RAPGEF5: variants seen among roughly 807,000 people sequenced by gnomAD.
RAPGEF5 encodes M-Ras-regulated GEF.
RAPGEF5 carries 65 observed loss-of-function variants against 125.2 expected under a neutral mutation model. The ratio of observed to expected loss-of-function variants is 0.52; its 90% CI spans 0.43 to 0.64. The LOEUF is 0.64. Among genes scored for constraint, RAPGEF5 ranks in the 30% least tolerant of loss-of-function variants. RAPGEF5 has a pLI of 0.00. For synonymous variants in RAPGEF5, 391 were observed against 385.9 expected (o/e 1.01, Z -0.16); for missense variants, 958 against 1,048.1 (o/e 0.91, Z 1.19).
At chr7:22,129,882 C>T (rs1782862205) in intron 24 of RAPGEF5, among the ~76,000 whole-genome samples, 1 of 151,930 alleles carries the variant, frequency 6.6e-6, no homozygotes, top group African/African-American at 2.4e-5. Context: ...GAGCCAACTA[C>T]ACTGTTCCCA....
chr7:22,171,663 TA>T (rs1304815003), intron 11 of RAPGEF5, among the ~76,000 whole-genome samples: 1 of 152,204 alleles, frequency 6.6e-6, no homozygotes, highest in African/African-American at 2.4e-5. Context: ...CACGCCCGGC[TA>T]ATTTTTGTAT....
chr7:22,324,148 T>C (rs1403589684), intron 1 of RAPGEF5, among the ~76,000 whole-genome samples: 1 of 152,236 alleles, frequency 6.6e-6, no homozygotes, highest in Non-Finnish European at 1.5e-5. Flanking sequence ...ATGAGACATG[T>C]TGACATCTGC....
At chr7:22,255,751 TTA>T (rs1786744238) in intron 7 of RAPGEF5, among the ~76,000 whole-genome samples, 1 of 152,216 alleles carries the variant, frequency 6.6e-6, no homozygotes, top group Non-Finnish European at 1.5e-5. Flanking sequence ...AGAAAAAATG[TTA>T]TTACCCACAA....
intron 25 of RAPGEF5, among the ~76,000 whole-genome samples, chr7:22,124,263 G>C (rs1053510356): frequency 6.6e-6 from 1 of 152,098 alleles, no homozygotes; most frequent in Non-Finnish European, 1.5e-5. Flanking sequence ...TAAACACTTG[G>C]GAAGCAAAGG....
chr7:22,285,737 G>T (rs1782781713), intron 6 of RAPGEF5, among the ~76,000 whole-genome samples: 1 of 152,310 alleles, frequency 6.6e-6, no homozygotes, highest in South Asian at 2.1e-4. Context: ...GATGAGACAG[G>T]ACTTGACTGG....
chr7:22,158,167 TC>T (rs1181346610), intron 14 of RAPGEF5, among the ~76,000 whole-genome samples: 2 of 152,144 alleles, frequency 1.3e-5, no homozygotes, highest in Non-Finnish European at 2.9e-5. Flanking sequence ...ATCTGCTCAG[TC>T]CATGGGAACT....
rs539553056 is a variant in RAPGEF5 at position 22,335,862 on chromosome 7, A to C, written c.232-17825T>G. 5.3e-5 allele frequency among the ~76,000 whole-genome samples: 8 copies of C among 152,342 alleles called. No homozygotes were observed. The South Asian group carries it at 1.7e-3, about 32-fold the overall frequency. The stretch of plus-strand genomic sequence containing the variant: ...TTTTCATACAAACATGCAAACGACC[A>C]CACTTATAATTTCTTAAATAAGAAT... On this transcript the variant is annotated intron_variant, in intron 1 of 25. Transcript: ENST00000665637.
chr7:22,187,028 G>A (rs2128123742), intron 11 of RAPGEF5, among the ~76,000 whole-genome samples: 1 of 152,268 alleles, frequency 6.6e-6, no homozygotes, highest in East Asian at 1.9e-4. Context: ...ACCAGGTATG[G>A]CCACTGAGCC....
intron 5 of RAPGEF5, among the ~76,000 whole-genome samples, chr7:22,302,328 G>C (rs539016439): frequency 1.3e-5 from 2 of 152,308 alleles, no homozygotes; most frequent in Non-Finnish European, 2.9e-5. Flanking sequence ...TGGCTGAACA[G>C]GGTGTATATG....
At chr7:22,218,062 C>T (rs879753241) in intron 9 of RAPGEF5, among the ~76,000 whole-genome samples, 8 of 152,002 alleles carry the variant, frequency 5.3e-5, no homozygotes, top group Middle Eastern at 3.2e-3. Flanking sequence ...GTGTGCTGCA[C>T]CCATTAACTC....
At chr7:22,137,592 G>A (rs1783117774) in intron 21 of RAPGEF5, among the ~76,000 whole-genome samples, 1 of 152,160 alleles carries the variant, frequency 6.6e-6, no homozygotes, top group Admixed American at 6.5e-5. Context: ...CTTTTAACAT[G>A]GCTAAGTAAA....
chr7:22,150,926 A>T (rs1381947697), intron 17 of RAPGEF5, among the ~76,000 whole-genome samples: 1 of 152,220 alleles, frequency 6.6e-6, no homozygotes, highest in Non-Finnish European at 1.5e-5. Context: ...ATTTATGCAT[A>T]TGCATTTATA....
intron 9 of RAPGEF5, among the ~76,000 whole-genome samples, chr7:22,215,088 C>G (rs1379990578): frequency 6.6e-6 from 1 of 152,042 alleles, no homozygotes; most frequent in African/African-American, 2.4e-5. Context: ...AATGCTGAGT[C>G]GTTCCTCATT....
Position 22,356,892 on chromosome 7 carries a change from G to A in RAPGEF5, c.169C>T (p.Leu57=). The part of the protein sequence containing the change: ...PASLRPRLRD[L]PALLRSGLTL... ...AGCCCGCTCCGCAGCAGCGCGGGCA[G>A]GTCCCTCAGCCGCGGCCGCAGCGAC... The change falls in exon 1 of 26, where the codon CTG becomes TTG. Residue 57 remains leucine, a synonymous_variant. Coordinates refer to ENST00000665637, the MANE Select transcript of RAPGEF5 (RefSeq NM_012294.5). 1 of 1,141,148 alleles carries A rather than the reference G, an allele frequency of 8.8e-7. No individual in the cohort carries two copies. Among genetic ancestry groups the A allele is most frequent in the Non-Finnish European group, 1.1e-6 (1 of 930,400 alleles). The allele number at this position is 1,141,148 out of a possible 1,614,324, so 70.7% of individuals were successfully genotyped here. A position where few individuals can be genotyped will look rare whatever the true frequency, so the allele number is the denominator to read the frequency against.
chr7:22,133,614 C>T (rs1169242648), intron 23 of RAPGEF5, among the ~76,000 whole-genome samples: 1 of 152,124 alleles, frequency 6.6e-6, no homozygotes, highest in Non-Finnish European at 1.5e-5. Context: ...GAGACCCGCA[C>T]AAATCTGCAA....
At chr7:22,136,002 T>C in intron 23 of RAPGEF5, 36 bp downstream of exon 23, 1 of 1,498,790 alleles carries the variant, frequency 6.7e-7, no homozygotes, top group Non-Finnish European at 9.2e-7. Flanking sequence ...TTCTGAAATA[T>C]GAAATTACAT....
At chr7:22,128,512 A>G (rs765263569) in intron 24 of RAPGEF5, among the ~76,000 whole-genome samples, 5 of 152,252 alleles carry the variant, frequency 3.3e-5, no homozygotes, top group Non-Finnish European at 7.3e-5. Flanking sequence ...ATTATCGTGA[A>G]AGATGATCCT....
intron 25 of RAPGEF5, chr7:22,125,331 G>A (rs994723109): frequency 4.1e-5 from 14 of 341,612 alleles, no homozygotes; most frequent in South Asian, 1.8e-4. Context: ...CGGGAGTTGC[G>A]GGGAGGAGGT....
chr7:22,192,344 G>A (rs1307355148), intron 11 of RAPGEF5: 1 of 152,174 alleles, frequency 6.6e-6, no homozygotes, highest in Non-Finnish European at 1.5e-5. Flanking sequence ...GCCCACTTAT[G>A]TATTTCACAC....
Sources: allele counts gnomAD v4.1 joint callset (sites outside exome capture counted in the v4.1 genomes callset), GRCh38; gene constraint gnomAD v4.1.1; transcripts MANE v1.5; gene names NCBI Gene and HGNC (gene_info 2026-07-23, HGNC 2026-07-21).